CCDC174: variants seen among roughly 807,000 people sequenced by gnomAD.
CCDC174 encodes the protein coiled-coil domain containing 174.
Under a neutral mutation model 57.1 loss-of-function variants are expected in CCDC174, and 37 were observed. The ratio of observed to expected loss-of-function variants is 0.65; its 90% CI spans 0.50 to 0.85. CCDC174 has a LOEUF of 0.85. Ranked by LOEUF, CCDC174 falls within the 40% of genes least tolerant of loss-of-function variation. CCDC174 has a pLI of 0.00. For missense variants in CCDC174, 540 were observed against 574.3 expected (o/e 0.94, Z 0.61); for synonymous variants, 182 against 190.2 (o/e 0.96, Z 0.35).
At chr3:14,664,318 A>G (rs553301478) in intron 5 of CCDC174, among the ~76,000 whole-genome samples, 4 of 152,234 alleles carry the variant, frequency 2.6e-5, no homozygotes, top group Non-Finnish European at 5.9e-5. Context: ...TTCTCTGCCC[A>G]TAATTTAAAA....
chr3:14,652,396 G>C (rs1000129873), intron 1 of CCDC174, among the ~76,000 whole-genome samples: 1 of 152,182 alleles, frequency 6.6e-6, no homozygotes, highest in African/African-American at 2.4e-5. Context: ...GGAGTTGTGA[G>C]GTCTGAAAGG....
intron 10 of CCDC174, among the ~76,000 whole-genome samples, chr3:14,670,296 T>C (rs2031470070): frequency 6.6e-6 from 1 of 152,248 alleles, no homozygotes; most frequent in Non-Finnish European, 1.5e-5. Context: ...TTATGTTCAG[T>C]TGAAAATGGT....
intron 5 of CCDC174, 108 bp from the exon 6 acceptor site, chr3:14,664,920 T>A: frequency 1.3e-6 from 1 of 775,254 alleles, no homozygotes; most frequent in Non-Finnish European, 2.3e-6. Flanking sequence ...TGGGGGCTCT[T>A]CTTGGTAGTG....
Position 14,668,000 on chromosome 3 carries a change from A to G in CCDC174, c.820-49A>G, listed in dbSNP as rs766863496. The G allele has an allele frequency of 4.5e-6, 7 of 1,547,724 alleles. No individual in the cohort carries two copies. In the African/African-American group the frequency reaches 9.7e-5, roughly 22 times the overall value. ...GAAAATTTCATCTTTTTGGACAGGA[A>G]TATTGCAAATTTGGCTTCAAGCAAA... On this transcript the variant is annotated intron_variant, in intron 8 of 10. Coordinates refer to ENST00000383794, the MANE Select transcript of CCDC174 (RefSeq NM_016474.5).
chr3:14,668,811 AG>A (rs2124849210), intron 9 of CCDC174, among the ~76,000 whole-genome samples: 1 of 152,338 alleles, frequency 6.6e-6, no homozygotes, highest in South Asian at 2.1e-4. Context: ...ACTTGGAGGT[AG>A]GTGGGTGAGT....
At chr3:14,668,956 C>G (rs1033961327) in intron 9 of CCDC174, among the ~76,000 whole-genome samples, 1 of 152,204 alleles carries the variant, frequency 6.6e-6, no homozygotes, top group Non-Finnish European at 1.5e-5. Context: ...CCCTGCTCAC[C>G]TGTTCATGAT....
intron 10 of CCDC174, 131 bp downstream of exon 10, chr3:14,670,217 C>T: frequency 1.2e-6 from 1 of 839,548 alleles, no homozygotes; most frequent in Non-Finnish European, 1.8e-6. Flanking sequence ...AATGCCATTT[C>T]TCAGGACCTG....
intron 3 of CCDC174, 89 bp from the exon 4 acceptor site, chr3:14,658,782 A>G (rs576601824): frequency 2.9e-6 from 4 of 1,378,498 alleles, no homozygotes; most frequent in Non-Finnish European, 3.9e-6. Flanking sequence ...CCTCATGGGC[A>G]GATGGTACCT....
In CCDC174 at chr3:14,671,263, T is replaced by G; in HGVS notation, c.*69T>G. On this transcript the variant is annotated 3_prime_UTR_variant, in exon 11 of 11. Transcript: ENST00000383794. ...TTTCTCTCCCAGAGGGAGAAATAAC[T>G]TTAGGAACTGAATTGTACCTTTGTC... The G allele has an allele frequency of 6.9e-7, 1 of 1,442,612 alleles. No homozygotes were observed. Among genetic ancestry groups the G allele is most frequent in the Admixed American group, 2.0e-5 (1 of 50,488 alleles). The allele number at this position is 1,442,612 out of a possible 1,614,324, so 89.4% of individuals were successfully genotyped here.
At chr3:14,655,659 T>C (rs749004125) in intron 3 of CCDC174, 30 bp downstream of exon 3, 1 of 1,423,084 alleles carries the variant, frequency 7.0e-7, no homozygotes, top group South Asian at 1.2e-5. Flanking sequence ...TAAATATAGT[T>C]AGCTTTGAGG....
At chr3:14,651,962 T>G in intron 1 of CCDC174, 84 bp downstream of exon 1, 1 of 1,381,882 alleles carries the variant, frequency 7.2e-7, no homozygotes, top group East Asian at 2.4e-5. Flanking sequence ...GCTTGTTTCT[T>G]CACTCGGGGA....
intron 3 of CCDC174, among the ~76,000 whole-genome samples, chr3:14,657,191 G>T (rs2030985776): frequency 6.6e-6 from 1 of 152,174 alleles, no homozygotes; most frequent in Non-Finnish European, 1.5e-5. Context: ...CTTTTATGAA[G>T]CACTTTGGTT....
chr3:14,665,124 G>C lies in CCDC174; in HGVS notation c.581+1G>C, dbSNP rs1279224074. On this transcript the variant is annotated splice_donor_variant, in intron 6 of 10. Coordinates refer to ENST00000383794, the MANE Select transcript of CCDC174 (RefSeq NM_016474.5). LOFTEE classifies it high-confidence loss of function. Reference sequence around the variant, plus strand: ...TGGATAAAAATCTTCAGGGGAGACTGTAAGTGTGTGTGGTATACAGAGCTC... The same window carrying C: ...TGGATAAAAATCTTCAGGGGAGACTCTAAGTGTGTGTGGTATACAGAGCTC... The C allele has an allele frequency of 6.2e-7, 1 of 1,604,000 alleles. No individual in the cohort carries two copies. Among genetic ancestry groups the C allele is most frequent in the South Asian group, 1.1e-5 (1 of 90,918 alleles).
intron 3 of CCDC174, among the ~76,000 whole-genome samples, chr3:14,658,582 T>C (rs1310585851): frequency 6.6e-6 from 1 of 152,246 alleles, no homozygotes; most frequent in African/African-American, 2.4e-5. Context: ...TCATCAAATA[T>C]TGATTGAGAA....
intron 1 of CCDC174, among the ~76,000 whole-genome samples, chr3:14,652,127 T>A (rs2030790580): frequency 6.6e-6 from 1 of 152,202 alleles, no homozygotes; most frequent in Admixed American, 6.5e-5. Flanking sequence ...GATCTGAACC[T>A]GGTGTCCCGT....
Position 14,671,377 on chromosome 3 carries a change from T to G in CCDC174, c.*183T>G. On this transcript the variant is annotated 3_prime_UTR_variant, in exon 11 of 11. Transcript: ENST00000383794. ...AAACTTTGGCCACTTGGCTGTTCAT[T>G]TTATTCTAAGTGGGATAGGGACATA... The G allele has an allele frequency of 3.3e-6, 2 of 606,856 alleles. No individual in the cohort carries two copies. The highest frequency in any genetic ancestry group is 5.7e-6 in the Non-Finnish European group (2 of 348,302). 37.6% of individuals were successfully genotyped at this position (606,856 alleles called of 1,614,324 possible).
chr3:14,667,330 CTG>C (rs2031374643), intron 7 of CCDC174, 92 bp from the exon 8 acceptor site: 3 of 932,762 alleles, frequency 3.2e-6, no homozygotes, highest in African/African-American at 3.3e-5. Context: ...CCAAATATCA[CTG>C]TGTTTCTTTT....
At chr3:14,652,011 G>A in intron 1 of CCDC174, 133 bp downstream of exon 1, 2 of 875,090 alleles carry the variant, frequency 2.3e-6, no homozygotes, top group Non-Finnish European at 1.8e-6. Flanking sequence ...AGGAACCCCC[G>A]AACTGGATTT....
intron 5 of CCDC174, among the ~76,000 whole-genome samples, chr3:14,664,818 T>A (rs1294811127): frequency 6.6e-6 from 1 of 152,224 alleles, no homozygotes; most frequent in Non-Finnish European, 1.5e-5. Context: ...GTTAACAGTT[T>A]CTAAAACTAA....
Sources: gnomAD v4.1 joint callset for allele counts (sites outside exome capture counted in the v4.1 genomes callset) on GRCh38, gnomAD v4.1.1 for gene constraint, MANE v1.5 for transcripts, NCBI Gene and HGNC (gene_info 2026-07-23, HGNC 2026-07-21) for gene names.